Variants in SOBP observed in about 807,000 individuals in gnomAD.
SOBP encodes the protein sine oculis binding protein homolog, also known as sine oculis-binding protein homolog.
SOBP carries 4 observed loss-of-function variants against 53.6 expected under a neutral mutation model. The ratio of observed to expected loss-of-function variants is 0.07; its 90% CI spans 0.04 to 0.17. SOBP has a LOEUF of 0.17. SOBP is among the 10% of genes least tolerant of loss of function. The pLI, the probability that SOBP is intolerant of heterozygous loss-of-function variation, is 1.00. For synonymous variants in SOBP, 584 were observed against 522.6 expected (o/e 1.12, Z -1.60); for missense variants, 1,088 against 1,204.7 (o/e 0.90, Z 1.43).
chr6:107,616,546 A>C (rs975307694), intron 5 of SOBP, among the ~76,000 whole-genome samples: 1 of 152,056 alleles, frequency 6.6e-6, no homozygotes, highest in African/African-American at 2.4e-5. Flanking sequence ...GTAATTTTCC[A>C]CTTTGAATCT....
intron 5 of SOBP, among the ~76,000 whole-genome samples, chr6:107,606,973 C>T (rs1365591557): frequency 6.6e-6 from 1 of 152,178 alleles, no homozygotes; most frequent in Non-Finnish European, 1.5e-5. Context: ...TGGGTTTCGC[C>T]TGTTGTTGGG....
chr6:107,523,921 T>G (rs1783586657), intron 3 of SOBP, among the ~76,000 whole-genome samples: 1 of 152,240 alleles, frequency 6.6e-6, no homozygotes, highest in Non-Finnish European at 1.5e-5. Context: ...TGTTAGTCAG[T>G]GCATTTGCAG....
chr6:107,651,583 A>G (rs9386656), intron 6 of SOBP, among the ~76,000 whole-genome samples: 25,046 of 152,290 alleles, frequency 0.16, 2,355 homozygotes, highest in South Asian at 0.29. Flanking sequence ...AGCTGCAGCA[A>G]ACTACCCAGA....
intron 5 of SOBP, among the ~76,000 whole-genome samples, chr6:107,588,511 T>A (rs757069795): frequency 3.3e-5 from 5 of 152,244 alleles, no homozygotes; most frequent in African/African-American, 1.2e-4. Context: ...GGAAACTCTT[T>A]TTGTTCATTT....
intron 4 of SOBP, among the ~76,000 whole-genome samples, chr6:107,538,093 C>T (rs12213973): frequency 0.019 from 2,853 of 152,178 alleles, 45 homozygotes; most frequent in East Asian, 0.054. Context: ...GGTTATACAG[C>T]GATCTCTTCT....
At chr6:107,626,220 T>C (rs748198459) in intron 5 of SOBP, among the ~76,000 whole-genome samples, 1 of 145,494 alleles carries the variant, frequency 6.9e-6, no homozygotes, top group South Asian at 2.1e-4. Flanking sequence ...ATATTAAGGA[T>C]TTTTTTTGCT....
Position 107,635,033 on chromosome 6 carries a change from C to G in SOBP, c.2189C>G (p.Ala730Gly), listed in dbSNP as rs531169876. The change falls in exon 6 of 7, where the codon GCC (alanine) becomes GGC (glycine). Residue 730 changes from alanine to glycine, a missense_variant. Transcript: ENST00000317357. This position sits in a 1 kb window ranked among gnomAD's most constrained non-coding sequence, Gnocchi z 4.5. ...GTCATCGTGAACGGCACGCGCGGCGCCGCCGCCGAGGGCGCTAAGAGCGCG... is the reference window on the plus strand; with the variant it reads ...GTCATCGTGAACGGCACGCGCGGCGGCGCCGCCGAGGGCGCTAAGAGCGCG... ...CNVIVNGTRG[A>G]AAEGAKSAEP... 36 of 1,247,152 alleles carry G rather than the reference C, an allele frequency of 2.9e-5. No homozygotes were observed. In the East Asian group the frequency reaches 8.9e-4, roughly 31 times the overall value. The allele number at this position is 1,247,152 out of a possible 1,614,324, so 77.3% of individuals were successfully genotyped here. A position where few individuals can be genotyped will look rare whatever the true frequency, so the allele number is the denominator to read the frequency against.
At chr6:107,642,679 A>T (rs573594589) in intron 6 of SOBP, among the ~76,000 whole-genome samples, 1 of 152,214 alleles carries the variant, frequency 6.6e-6, no homozygotes, top group Non-Finnish European at 1.5e-5. Flanking sequence ...ATTTGGCTGC[A>T]CCAGCACTAG....
chr6:107,504,616 C>T (rs1194914208), intron 2 of SOBP, among the ~76,000 whole-genome samples: 1 of 152,224 alleles, frequency 6.6e-6, no homozygotes, highest in Non-Finnish European at 1.5e-5. Flanking sequence ...TACATCATCA[C>T]TGGCAATTTG....
intron 4 of SOBP, among the ~76,000 whole-genome samples, chr6:107,566,901 A>G (rs1444801272): frequency 6.6e-6 from 1 of 152,248 alleles, no homozygotes; most frequent in Non-Finnish European, 1.5e-5. Context: ...ACCTTGGTCC[A>G]GTCAACTCAG....
rs747977831 is a variant in SOBP, at chr6:107,506,467, G to C, written c.421+40G>C. On this transcript the variant is annotated intron_variant, in intron 3 of 6. Coordinates refer to ENST00000317357, the MANE Select transcript of SOBP (RefSeq NM_018013.4). ...GTGTTTTCAGTGATAACAATTCATA[G>C]AAAGTTGTTTTAACCATCTTAGGAA... The C allele has an allele frequency of 2.5e-6, 4 of 1,609,074 alleles. No individual in the cohort carries two copies. The South Asian group carries it at 4.4e-5, about 18-fold the overall frequency.
At position 107,503,671 on chromosome 6, in the gene SOBP, C is replaced by T. The variant is rs758551658; in HGVS notation, c.111C>T (p.Asn37=). 3 of 1,614,092 alleles carry T rather than the reference C, an allele frequency of 1.9e-6. No homozygotes were observed. Among genetic ancestry groups the T allele is most frequent in the Non-Finnish European group, 2.5e-6 (3 of 1,180,002 alleles). The part of the protein sequence containing the change: ...INEEMKNFAE[N]TMNELLGWYG... ...TTCTCTTTCAGAACTTTGCAGAAAA[C>T]ACCATGAATGAACTCCTTGGCTGGT... Residue 37 remains asparagine (N), a synonymous_variant, in exon 2 of 7, where the codon AAC becomes AAT. Coordinates refer to ENST00000317357, the MANE Select transcript of SOBP (RefSeq NM_018013.4).
intron 4 of SOBP, among the ~76,000 whole-genome samples, chr6:107,582,291 A>G (rs920065974): frequency 2.8e-4 from 42 of 152,216 alleles, no homozygotes; most frequent in African/African-American, 9.4e-4. Flanking sequence ...GGAAGCAGTG[A>G]ATTTGAAGAA....
rs979474994 is a variant in SOBP, at chr6:107,660,850, G to A, written c.*2647G>A. Among the ~76,000 whole-genome samples the A allele has an allele frequency of 8.5e-5, 13 of 152,302 alleles. No homozygotes were observed. Among genetic ancestry groups the A allele is most frequent in the African/African-American group, 2.4e-4 (10 of 41,572 alleles). ...TGTTCATTAAAATCTGAGGCACCAC[G>A]AGCAGCTCCCTTGAAGTGATCATCC... On this transcript the variant is annotated 3_prime_UTR_variant, in exon 7 of 7. Coordinates refer to ENST00000317357, the MANE Select transcript of SOBP (RefSeq NM_018013.4).
chr6:107,661,132 A>G lies in SOBP; in HGVS notation c.*2929A>G, dbSNP rs912720502. Among the ~76,000 whole-genome samples, 1 of 152,158 alleles carries G rather than the reference A, an allele frequency of 6.6e-6. No homozygotes were observed. Among genetic ancestry groups the G allele is most frequent in the African/African-American group, 2.4e-5 (1 of 41,444 alleles). On this transcript the variant is annotated 3_prime_UTR_variant, in exon 7 of 7. Transcript: ENST00000317357. ...TGTAGTCCAAGATTGTCAAGCAAACATTTTGACCCTTCTGGAAACAAAAGG... is the reference window on the plus strand; with the variant it reads ...TGTAGTCCAAGATTGTCAAGCAAACGTTTTGACCCTTCTGGAAACAAAAGG...
At chr6:107,496,716 C>T (rs917301322) in intron 1 of SOBP, among the ~76,000 whole-genome samples, 38 of 152,334 alleles carry the variant, frequency 2.5e-4, no homozygotes, top group Non-Finnish European at 4.1e-4. Context: ...GAGTGGGAAT[C>T]TGGCCACCCT....
chr6:107,657,147 C>T (rs767883792), intron 6 of SOBP, among the ~76,000 whole-genome samples: 2 of 152,252 alleles, frequency 1.3e-5, no homozygotes, highest in Non-Finnish European at 2.9e-5. Flanking sequence ...CTTTACCATG[C>T]AGTTGGCAGA....
At chr6:107,576,071 T>C (rs1785215663) in intron 4 of SOBP, among the ~76,000 whole-genome samples, 1 of 152,160 alleles carries the variant, frequency 6.6e-6, no homozygotes, top group African/African-American at 2.4e-5. Context: ...GCAGTGTAAT[T>C]CAGATATTTT....
chr6:107,503,839 A>C, intron 2 of SOBP, 44 bp downstream of exon 2: 2 of 1,609,754 alleles, frequency 1.2e-6, no homozygotes, highest in Non-Finnish European at 1.7e-6. Context: ...AGAAGGATTA[A>C]CTATCTCAAC....
Sources: allele counts gnomAD v4.1 joint callset (sites outside exome capture counted in the v4.1 genomes callset), GRCh38; gene constraint gnomAD v4.1.1; non-coding constraint Gnocchi (gnomAD v3.1); transcripts MANE v1.5; gene names NCBI Gene and HGNC (gene_info 2026-07-23, HGNC 2026-07-21).